The following ZNF423 variants were observed in gnomAD, a reference collection of about 807,000 sequenced individuals.
The protein encoded by ZNF423 is Ebf-associated zinc finger protein.
Under a neutral mutation model 95.8 loss-of-function variants are expected in ZNF423, and 12 were observed. The ratio of observed to expected loss-of-function variants is 0.13; its 90% CI spans 0.08 to 0.20. The LOEUF is 0.20. Among genes scored for constraint, ZNF423 ranks in the 10% least tolerant of loss-of-function variants. The probability of loss-of-function intolerance (pLI) is 1.00; values close to 1 mark genes in which losing one functional copy is unlikely to be tolerated. For synonymous variants in ZNF423, 749 were observed against 711.9 expected (o/e 1.05, Z -0.83); for missense variants, 1,316 against 1,737.1 (o/e 0.76, Z 4.31).
At chr16:49,542,973 G>A (rs1202222386) in intron 5 of ZNF423, among the ~76,000 whole-genome samples, 1 of 152,128 alleles carries the variant, frequency 6.6e-6, no homozygotes, top group Non-Finnish European at 1.5e-5. Context: ...TTCTTCATCT[G>A]AGGCTGGGGT....
intron 3 of ZNF423, among the ~76,000 whole-genome samples, chr16:49,658,300 C>T (rs1243221233): frequency 6.6e-6 from 1 of 152,072 alleles, no homozygotes; most frequent in East Asian, 1.9e-4. Flanking sequence ...CAGAGGCAGG[C>T]AGGAGAGAAG....
Position 49,821,273 on chromosome 16 carries a change from G to C in ZNF423, c.41-31727C>G, listed in dbSNP as rs552423433. 3.3e-5 allele frequency among the ~76,000 whole-genome samples: 5 copies of C among 152,144 alleles called. No homozygotes were observed. The East Asian group carries it at 9.7e-4, about 29-fold the overall frequency. Reference sequence around the variant, plus strand: ...AGGGTGGTGGGGCGGGGGCAGGGGCGGGGGGCGATGGGGAGCCAGACCATG... The same window carrying C: ...AGGGTGGTGGGGCGGGGGCAGGGGCCGGGGGCGATGGGGAGCCAGACCATG... On this transcript the variant is annotated intron_variant, in intron 1 of 7. Coordinates refer to ENST00000563137, the MANE Select transcript of ZNF423 (RefSeq NM_001379286.1).
chr16:49,628,945 G>C lies in ZNF423; in HGVS notation c.3517-2691C>G, dbSNP rs1972402757. On this transcript the variant is annotated intron_variant, in intron 4 of 7. Coordinates refer to ENST00000563137, the MANE Select transcript of ZNF423 (RefSeq NM_001379286.1). ...GTGGCTGTGGGGTTTTTTGAAGAAA[G>C]AGGGGTGGTATTGGAATCACAATAT... 1.3e-5 allele frequency among the ~76,000 whole-genome samples: 2 copies of C among 152,198 alleles called. 1 individual carries two copies. Among genetic ancestry groups the C allele is most frequent in the South Asian group, 4.1e-4 (2 of 4,832 alleles).
chr16:49,660,200 G>T lies in ZNF423; in HGVS notation c.302-21326C>A, dbSNP rs1417286135. On this transcript the variant is annotated intron_variant, in intron 3 of 7. Transcript: ENST00000563137. ...ACAAGGTGCCTGGCAATAACTATCT[G>T]CTCAATGACTGAATGAATGAATGGA... 2.0e-5 allele frequency among the ~76,000 whole-genome samples: 3 copies of T among 150,576 alleles called. No homozygotes were observed. In the East Asian group the frequency reaches 5.8e-4, roughly 29 times the overall value.
intron 1 of ZNF423, among the ~76,000 whole-genome samples, chr16:49,790,022 C>A (rs1448489538): frequency 1.1e-4 from 16 of 152,160 alleles, no homozygotes; most frequent in Non-Finnish European, 2.4e-4. Context: ...CCACCCAGGA[C>A]CCCACAGAAC....
Position 49,491,246 on chromosome 16 carries a change from T to G in ZNF423, c.*29A>C. ...CCCACGGCGTCTCCGGCAAGCCTTCTGCGGAGAGGTGTCCTGTTGAGCGAT... is the reference window on the plus strand; with the variant it reads ...CCCACGGCGTCTCCGGCAAGCCTTCGGCGGAGAGGTGTCCTGTTGAGCGAT... On this transcript the variant is annotated 3_prime_UTR_variant, in exon 8 of 8. Coordinates refer to ENST00000563137, the MANE Select transcript of ZNF423 (RefSeq NM_001379286.1). The G allele has an allele frequency of 6.2e-7, 1 of 1,614,076 alleles. No individual in the cohort carries two copies. Among genetic ancestry groups the G allele is most frequent in the Non-Finnish European group, 8.5e-7 (1 of 1,179,996 alleles).
intron 3 of ZNF423, among the ~76,000 whole-genome samples, chr16:49,680,408 G>A (rs183913357): frequency 6.6e-6 from 1 of 152,374 alleles, no homozygotes; most frequent in East Asian, 1.9e-4. Context: ...CTGAATGGCA[G>A]GACGGAAAGA....
chr16:49,783,580 G>T (rs535733593), intron 2 of ZNF423, among the ~76,000 whole-genome samples: 1 of 138,978 alleles, frequency 7.2e-6, no homozygotes, highest in Non-Finnish European at 1.6e-5. Flanking sequence ...AAAGAGGGGG[G>T]GTTAGGTGTA....
intron 3 of ZNF423, among the ~76,000 whole-genome samples, chr16:49,659,744 C>T (rs2030103634): frequency 6.6e-6 from 1 of 152,240 alleles, no homozygotes; most frequent in Admixed American, 6.5e-5. Flanking sequence ...CCGCTGCAGG[C>T]ACTGGTACCC....
chr16:49,537,441 G>A (rs1481624310), intron 5 of ZNF423, among the ~76,000 whole-genome samples: 2 of 152,196 alleles, frequency 1.3e-5, no homozygotes, highest in African/African-American at 4.8e-5. Flanking sequence ...GGTTTTTGCT[G>A]TGACCCAAGT....
intron 3 of ZNF423, among the ~76,000 whole-genome samples, chr16:49,651,193 A>AT (rs59884047): frequency 0.43 from 60,609 of 141,824 alleles, 13,280 homozygotes; most frequent in South Asian, 0.62. Context: ...GCTAATTTTA[A>AT]TTTTTTTTTT....
At chr16:49,611,103 C>T (rs9934238) in intron 5 of ZNF423, among the ~76,000 whole-genome samples, 88,418 of 151,870 alleles carry the variant, frequency 0.58, 28,307 homozygotes, top group African/African-American at 0.88. Context: ...AGGACAACTA[C>T]GCAGAAAATC....
At chr16:49,787,957 C>T (rs916554823) in intron 2 of ZNF423, among the ~76,000 whole-genome samples, 2 of 152,208 alleles carry the variant, frequency 1.3e-5, no homozygotes, top group African/African-American at 4.8e-5. Flanking sequence ...TGAGACACGG[C>T]GCCTTATGGC....
At chr16:49,842,298 G>GAGGGGAGGC (rs2035192861) in intron 1 of ZNF423, among the ~76,000 whole-genome samples, 2 of 26,230 alleles carry the variant, frequency 7.6e-5, no homozygotes, top group African/African-American at 3.3e-4. Context: ...GGAGGGGAGG[G>GAGGGGAGGC]GAGGGGAGGC....
intron 3 of ZNF423, among the ~76,000 whole-genome samples, chr16:49,682,026 C>G (rs2031379383): frequency 6.6e-6 from 1 of 151,832 alleles, no homozygotes; most frequent in South Asian, 2.1e-4. Flanking sequence ...TCTGCCTCCC[C>G]TCATCCTTCC....
chr16:49,834,543 C>A (rs1468889763), intron 1 of ZNF423, among the ~76,000 whole-genome samples: 2 of 151,880 alleles, frequency 1.3e-5, no homozygotes, highest in Non-Finnish European at 2.9e-5. Context: ...TGCGTCCCCT[C>A]TGGGAAGCAC....
chr16:49,855,293 C>T lies in ZNF423; in HGVS notation c.40+442G>A, dbSNP rs1362671360. 1.3e-5 allele frequency among the ~76,000 whole-genome samples: 2 copies of T among 151,464 alleles called. No individual in the cohort carries two copies. The highest frequency in any genetic ancestry group is 2.4e-5 in the African/African-American group (1 of 41,352). On this transcript the variant is annotated intron_variant, in intron 1 of 7. Coordinates refer to ENST00000563137, the MANE Select transcript of ZNF423 (RefSeq NM_001379286.1). The surrounding 1 kb of genome is among the most constrained non-coding windows in gnomAD (Gnocchi z 4.7). ...CGAGGAGCGGTCGGCCTGCCGGGCG[C>T]CCGTCCTCGCCGCCTCTTCCTTCCT...
chr16:49,568,737 A>G (rs960187461), intron 5 of ZNF423, among the ~76,000 whole-genome samples: 2 of 151,978 alleles, frequency 1.3e-5, no homozygotes, highest in Non-Finnish European at 2.9e-5. Flanking sequence ...ACCCATTCCT[A>G]TTCACTAAAA....
In ZNF423 at chr16:49,644,490, T is replaced by TA. The variant is rs1379664045; in HGVS notation, c.302-5617dup. 5.1e-3 allele frequency among the ~76,000 whole-genome samples: 659 copies of TA among 130,106 alleles called. 3 individuals carry two copies. The highest frequency in any genetic ancestry group is 0.015 in the African/African-American group (542 of 35,128). The allele number at this position is 130,106 out of a possible 152,430, so 85.4% of individuals were successfully genotyped here. A position where few individuals can be genotyped will look rare whatever the true frequency, so the allele number is the denominator to read the frequency against. ...AGCAATATAGCAAGACCCTGTCTCT[T>TA]AAAAAAAAAAAAAAGAACAAAATTT... On this transcript the variant is annotated intron_variant, in intron 3 of 7. Transcript: ENST00000563137.
Sources: gnomAD v4.1 joint callset for allele counts (sites outside exome capture counted in the v4.1 genomes callset) on GRCh38, gnomAD v4.1.1 for gene constraint, Gnocchi (gnomAD v3.1) non-coding constraint, MANE v1.5 for transcripts, NCBI Gene and HGNC (gene_info 2026-07-23, HGNC 2026-07-21) for gene names.